The following ANO5 variants were observed in gnomAD, a reference collection of about 807,000 sequenced individuals.
ANO5 encodes anoctamin 5.
Under a neutral mutation model 121.0 loss-of-function variants are expected in ANO5, and 109 were observed. The observed-to-expected ratio is 0.90, with a 90% CI of 0.77 to 1.06. The LOEUF (loss-of-function observed/expected upper bound fraction) is 1.06. ANO5 is among the 50% of genes least tolerant of loss of function. The pLI is 0.00. For missense variants in ANO5, 1,064 were observed against 1,078.5 expected, an observed-to-expected ratio of 0.99 and a Z score of 0.19; for synonymous variants, 406 against 359.9, an observed-to-expected ratio of 1.13 and a Z score of -1.45.
intron 9 of ANO5, among the ~76,000 whole-genome samples, chr11:22,244,577 C>CTTTT (rs34123612): frequency 2.7e-4 from 36 of 131,134 alleles, no homozygotes; most frequent in African/African-American, 8.7e-4. Context: ...AGGTTTTGTT[C>CTTTT]TTTTTTTTTT....
At chr11:22,210,568 C>T (rs142098540) in intron 2 of ANO5, among the ~76,000 whole-genome samples, 135 of 152,020 alleles carry the variant, frequency 8.9e-4, no homozygotes, top group African/African-American at 3.2e-3. Context: ...TATATTGTAC[C>T]TGTCACTAGA....
intron 2 of ANO5, among the ~76,000 whole-genome samples, chr11:22,209,258 C>G (rs1369037147): frequency 6.6e-6 from 1 of 151,830 alleles, no homozygotes; most frequent in Non-Finnish European, 1.5e-5. Flanking sequence ...TCAGAAAATG[C>G]ATGTGAATTA....
intron 3 of ANO5, among the ~76,000 whole-genome samples, chr11:22,211,530 A>C (rs1405549419): frequency 6.6e-6 from 1 of 151,920 alleles, no homozygotes. Flanking sequence ...TGAGTATAAC[A>C]CTTTGCTTGG....
At chr11:22,269,479 G>T (rs1379612318) in intron 17 of ANO5, among the ~76,000 whole-genome samples, 1 of 23,440 alleles carries the variant, frequency 4.3e-5, no homozygotes, top group Non-Finnish European at 8.4e-5. Flanking sequence ...AAAAAGAAAA[G>T]AAAGGAAAGA....
At chr11:22,273,043 G>A (rs764298838) in intron 19 of ANO5, 54 bp downstream of exon 19, 6 of 1,513,412 alleles carry the variant, frequency 4.0e-6, no homozygotes, top group Non-Finnish European at 5.5e-6. Context: ...GGGGGGTGTG[G>A]GGAGATGTGA....
At position 22,259,540 on chromosome 11, in the gene ANO5, A is replaced by G. The variant is rs886043190; in HGVS notation, c.1429A>G (p.Met477Val). ...TLWMSLVVTS[M>V]VAVIVYRLSV... ...CCAGATGTCTCTTGTCGTCACCAGT[A>G]TGGTAGCTGTAATTGTGTACCGCCT... The change falls in exon 15 of 22, where the codon ATG becomes GTG. Residue 477 changes from methionine to valine, a missense_variant. Transcript: ENST00000324559. 3 of 1,614,110 alleles carry G rather than the reference A, an allele frequency of 1.9e-6. No individual in the cohort carries two copies. Among genetic ancestry groups the G allele is most frequent in the Non-Finnish European group, 2.5e-6 (3 of 1,179,984 alleles).
intron 15 of ANO5, chr11:22,261,783 T>C (rs1854195942): frequency 3.8e-6 from 1 of 261,812 alleles, no homozygotes; most frequent in Non-Finnish European, 7.4e-6. Context: ...CCTTGGCACG[T>C]GGGAATTACA....
intron 3 of ANO5, among the ~76,000 whole-genome samples, chr11:22,216,047 T>C (rs1363390777): frequency 6.6e-6 from 1 of 151,932 alleles, no homozygotes; most frequent in Non-Finnish European, 1.5e-5. Flanking sequence ...TAATATTTCA[T>C]TGTATGGATA....
chr11:22,216,528 T>TA (rs995029842), intron 3 of ANO5, among the ~76,000 whole-genome samples: 2 of 151,840 alleles, frequency 1.3e-5, no homozygotes, highest in African/African-American at 2.4e-5. Flanking sequence ...TTCTGCATTT[T>TA]AAAAAAATGA....
At chr11:22,245,364 G>A (rs528868367) in intron 9 of ANO5, among the ~76,000 whole-genome samples, 2 of 152,218 alleles carry the variant, frequency 1.3e-5, no homozygotes, top group African/African-American at 4.8e-5. Context: ...TTTGTTACTT[G>A]CTAATTTCAG....
In ANO5 at chr11:22,227,538, C is replaced by T; in HGVS notation, c.600C>T (p.Leu200=). Residue 200 remains leucine, a synonymous_variant, in exon 7 of 22, where the codon CTC becomes CTT. Coordinates refer to ENST00000324559, the MANE Select transcript of ANO5 (RefSeq NM_213599.3). The stretch of plus-strand genomic sequence containing the variant: ...GCAGACATCGGCAGGAGCTCTTCCT[C>T]ATCGAAGATCAGGCAACCTTCTTTC... ...QFSRHRQELF[L]IEDQATFFPS... 6.2e-7 allele frequency: 1 copy of T among 1,613,508 alleles called. No homozygotes were observed. The highest frequency in any genetic ancestry group is 2.2e-5 in the East Asian group (1 of 44,846).
chr11:22,264,471 AT>A (rs144413892), intron 17 of ANO5, among the ~76,000 whole-genome samples: 16,598 of 150,426 alleles, frequency 0.11, 2,593 homozygotes, highest in African/African-American at 0.34. Context: ...GAATAAAAAA[AT>A]TTTAAAAAAA....
At chr11:22,217,125 A>G (rs1446213851) in intron 3 of ANO5, among the ~76,000 whole-genome samples, 1 of 152,002 alleles carries the variant, frequency 6.6e-6, no homozygotes, top group African/African-American at 2.4e-5. Flanking sequence ...ACATTAGTTT[A>G]CAGGGCAGGA....
chr11:22,239,793 C>T (rs1853365187), intron 9 of ANO5, 109 bp downstream of exon 9: 2 of 823,742 alleles, frequency 2.4e-6, no homozygotes, highest in East Asian at 2.7e-5. Flanking sequence ...CATTTCACAA[C>T]TTCTTGATTT....
At chr11:22,269,865 A>T (rs991778243) in intron 17 of ANO5, among the ~76,000 whole-genome samples, 1 of 152,124 alleles carries the variant, frequency 6.6e-6, no homozygotes, top group Non-Finnish European at 1.5e-5. Flanking sequence ...TATAGCATGG[A>T]ATTTAGTTGG....
intron 8 of ANO5, among the ~76,000 whole-genome samples, chr11:22,237,171 A>G (rs918623618): frequency 1.3e-5 from 2 of 152,162 alleles, no homozygotes; most frequent in Admixed American, 1.3e-4. Flanking sequence ...CCATACTTAA[A>G]AAGACTTTTT....
intron 8 of ANO5, among the ~76,000 whole-genome samples, chr11:22,237,296 T>C (rs184251430): frequency 6.6e-6 from 1 of 152,324 alleles, no homozygotes; most frequent in Admixed American, 6.5e-5. Context: ...ACAGTGTTGC[T>C]GTAATAGTTC....
chr11:22,192,584 C>T (rs1367924813), upstream of ANO5, among the ~76,000 whole-genome samples: 1 of 152,202 alleles, frequency 6.6e-6, no homozygotes, highest in African/African-American at 2.4e-5. Flanking sequence ...GACTTTTCCC[C>T]ACGAGACCAA....
chr11:22,193,160 C>G lies in ANO5; in HGVS notation c.-333C>G. On this transcript the variant is annotated 5_prime_UTR_variant, in exon 1 of 22. Coordinates refer to ENST00000324559, the MANE Select transcript of ANO5 (RefSeq NM_213599.3). ...GCCGAGCAGGCACAGGGACAGGTGC[C>G]TGGAGAAGTACTGGGAGAGCGCCCA... 2 of 1,182,332 alleles carry G rather than the reference C, an allele frequency of 1.7e-6. No homozygotes were observed. Among genetic ancestry groups the G allele is most frequent in the Non-Finnish European group, 2.1e-6 (2 of 944,340 alleles). 73.2% of individuals were successfully genotyped at this position (1,182,332 alleles called of 1,614,324 possible).
Sources: gnomAD v4.1 joint callset for allele counts (sites outside exome capture counted in the v4.1 genomes callset) on GRCh38, gnomAD v4.1.1 for gene constraint, MANE v1.5 for transcripts, NCBI Gene and HGNC (gene_info 2026-07-23, HGNC 2026-07-21) for gene names.